Variants in GALNT18 observed in about 807,000 individuals in gnomAD.
GALNT18 encodes GalNAc-transferase 18.
GALNT18 carries 44 observed loss-of-function variants against 69.5 expected under a neutral mutation model. That is an observed-to-expected ratio of 0.63 (90% CI 0.50 to 0.81). The LOEUF (loss-of-function observed/expected upper bound fraction) is 0.81, where lower values mean the gene tolerates loss of function less well. Among genes scored for constraint, GALNT18 ranks in the 40% least tolerant of loss-of-function variants. GALNT18 has a pLI of 0.00. For synonymous variants in GALNT18, 364 were observed against 318.2 expected, an observed-to-expected ratio of 1.14 and a Z score of -1.53; for missense variants, 715 against 810.0, an observed-to-expected ratio of 0.88 and a Z score of 1.42.
rs1859224972 is a variant in GALNT18, at chr11:11,586,343, A to G, written c.235+35016T>C. Among the ~76,000 whole-genome samples, 2 of 152,212 alleles carry G rather than the reference A, an allele frequency of 1.3e-5. No homozygotes were observed. Among genetic ancestry groups the G allele is most frequent in the African/African-American group, 4.8e-5 (2 of 41,460 alleles). On this transcript the variant is annotated intron_variant, in intron 1 of 10. Coordinates refer to ENST00000227756, the MANE Select transcript of GALNT18 (RefSeq NM_198516.3). This position sits in a 1 kb window ranked among gnomAD's most constrained non-coding sequence, Gnocchi z 4.1. ...TCTCAGTTTAAATTTCTATTGTGGCAAATATTAACTGATACAACCTATAGC... is the reference window on the plus strand; with the variant it reads ...TCTCAGTTTAAATTTCTATTGTGGCGAATATTAACTGATACAACCTATAGC...
At chr11:11,506,149 T>C (rs1021468500) in intron 1 of GALNT18, among the ~76,000 whole-genome samples, 1 of 152,222 alleles carries the variant, frequency 6.6e-6, no homozygotes, top group Non-Finnish European at 1.5e-5. Flanking sequence ...AATTTATTTA[T>C]CGATTTCAAA....
intron 9 of GALNT18, among the ~76,000 whole-genome samples, chr11:11,304,618 C>T (rs1467576283): frequency 6.6e-6 from 1 of 152,226 alleles, no homozygotes; most frequent in Non-Finnish European, 1.5e-5. Flanking sequence ...ATTCATACTT[C>T]TTAAATACAG....
At chr11:11,304,216 G>A (rs888503927) in intron 9 of GALNT18, among the ~76,000 whole-genome samples, 5 of 152,100 alleles carry the variant, frequency 3.3e-5, no homozygotes, top group Admixed American at 1.3e-4. Context: ...TGCCTTTCCC[G>A]GTCAACCTTT....
intron 1 of GALNT18, among the ~76,000 whole-genome samples, chr11:11,519,191 T>C (rs1857342639): frequency 6.6e-6 from 1 of 152,168 alleles, no homozygotes; most frequent in Non-Finnish European, 1.5e-5. Context: ...CAGAGGGGTG[T>C]GGATCTGTCA....
chr11:11,568,122 T>G (rs964823552), intron 1 of GALNT18, among the ~76,000 whole-genome samples: 11 of 152,188 alleles, frequency 7.2e-5, no homozygotes, highest in African/African-American at 2.7e-4. Flanking sequence ...CTTGCTGTTC[T>G]CAACCACAAT....
At chr11:11,501,953 C>A (rs1377485321) in intron 1 of GALNT18, among the ~76,000 whole-genome samples, 1 of 152,218 alleles carries the variant, frequency 6.6e-6, no homozygotes, top group African/African-American at 2.4e-5. Context: ...ACGTTGCTTG[C>A]TCCTTTGCCC....
At chr11:11,608,441 C>A (rs1342588161) in intron 1 of GALNT18, among the ~76,000 whole-genome samples, 1 of 151,986 alleles carries the variant, frequency 6.6e-6, no homozygotes, top group Non-Finnish European at 1.5e-5. Flanking sequence ...CTCACTGCAA[C>A]CTCCGCCTCC....
At chr11:11,325,431 G>C (rs987968466) in intron 9 of GALNT18, among the ~76,000 whole-genome samples, 10 of 152,124 alleles carry the variant, frequency 6.6e-5, no homozygotes, top group South Asian at 6.2e-4. Context: ...TGGGTGACGG[G>C]TGTACTAAAA....
At chr11:11,289,179 G>A (rs746298811) in intron 10 of GALNT18, among the ~76,000 whole-genome samples, 2 of 152,200 alleles carry the variant, frequency 1.3e-5, no homozygotes, top group East Asian at 1.9e-4. Flanking sequence ...ATGAGGGCTC[G>A]AGGAGAGATT....
At chr11:11,478,458 G>A (rs2133864927) in intron 1 of GALNT18, among the ~76,000 whole-genome samples, 1 of 152,304 alleles carries the variant, frequency 6.6e-6, no homozygotes, top group Non-Finnish European at 1.5e-5. Flanking sequence ...CAGCCCAGGA[G>A]CAGGATAAGG....
chr11:11,280,037 G>A (rs1050024805), intron 10 of GALNT18, among the ~76,000 whole-genome samples: 2 of 152,104 alleles, frequency 1.3e-5, no homozygotes, highest in Non-Finnish European at 2.9e-5. Flanking sequence ...TGGGATTACC[G>A]ACTTCCTGTG....
At chr11:11,514,200 C>T (rs1000801648) in intron 1 of GALNT18, among the ~76,000 whole-genome samples, 1 of 152,240 alleles carries the variant, frequency 6.6e-6, no homozygotes, top group Non-Finnish European at 1.5e-5. Context: ...CTAAGTCACA[C>T]AGGGAGTAAG....
intron 1 of GALNT18, among the ~76,000 whole-genome samples, chr11:11,495,080 A>T (rs1229396048): frequency 6.6e-6 from 1 of 152,150 alleles, no homozygotes; most frequent in Non-Finnish European, 1.5e-5. Flanking sequence ...TAAAAAATCC[A>T]ATCCAGCCCA....
intron 3 of GALNT18, among the ~76,000 whole-genome samples, chr11:11,392,363 T>C (rs976558389): frequency 2.6e-5 from 4 of 152,220 alleles, no homozygotes; most frequent in African/African-American, 9.7e-5. Flanking sequence ...ATTTAGCCTG[T>C]AATCCCAGCA....
chr11:11,313,748 C>T (rs1353094843), intron 9 of GALNT18, among the ~76,000 whole-genome samples: 1 of 152,166 alleles, frequency 6.6e-6, no homozygotes, highest in Non-Finnish European at 1.5e-5. Context: ...AAGTTACATA[C>T]CTGCCTTAAG....
intron 1 of GALNT18, among the ~76,000 whole-genome samples, chr11:11,490,709 A>G (rs927026513): frequency 1.3e-5 from 2 of 152,290 alleles, no homozygotes; most frequent in Admixed American, 1.3e-4. Context: ...CGTCAGAGAC[A>G]GCCCAGAAGG....
At chr11:11,313,580 T>A (rs1849703831) in intron 9 of GALNT18, among the ~76,000 whole-genome samples, 1 of 152,194 alleles carries the variant, frequency 6.6e-6, no homozygotes, top group Non-Finnish European at 1.5e-5. Flanking sequence ...TGGCTTATTG[T>A]TCTGTCTCTG....
rs187232599 is a variant in GALNT18, at chr11:11,397,608, C to T, written c.596-18344G>A. Among the ~76,000 whole-genome samples the T allele has an allele frequency of 3.3e-5, 5 of 152,202 alleles. No individual in the cohort carries two copies. In the East Asian group the frequency reaches 5.8e-4, roughly 18 times the overall value. On this transcript the variant is annotated intron_variant, in intron 3 of 10. Coordinates refer to ENST00000227756, the MANE Select transcript of GALNT18 (RefSeq NM_198516.3). ...CCTCCCAAGTAGCTGGGACTACAGC[C>T]GCCCACCTGCCACCATGCCCAGATA...
chr11:11,285,365 G>A (rs924697837), intron 10 of GALNT18, among the ~76,000 whole-genome samples: 1 of 152,110 alleles, frequency 6.6e-6, no homozygotes, highest in Non-Finnish European at 1.5e-5. Flanking sequence ...GCTATCATAG[G>A]GATTAAGTAA....
Sources: allele counts gnomAD v4.1 joint callset (sites outside exome capture counted in the v4.1 genomes callset), GRCh38; gene constraint gnomAD v4.1.1; non-coding constraint Gnocchi (gnomAD v3.1); transcripts MANE v1.5; gene names NCBI Gene and HGNC (gene_info 2026-07-23, HGNC 2026-07-21).